PTK2B: variants seen among roughly 807,000 people sequenced by gnomAD.
The protein encoded by PTK2B is protein-tyrosine kinase 2-beta.
PTK2B carries 71 observed loss-of-function variants against 142.9 expected under a neutral mutation model. That is an observed-to-expected ratio of 0.50 (90% CI 0.41 to 0.61). The LOEUF (loss-of-function observed/expected upper bound fraction) is 0.61. Ranked by LOEUF, PTK2B falls within the 20% of genes least tolerant of loss-of-function variation. The probability of loss-of-function intolerance (pLI) is 0.00; values close to 1 mark genes in which losing one functional copy is unlikely to be tolerated. For missense variants in PTK2B, 1,105 were observed against 1,320.4 expected, an observed-to-expected ratio of 0.84 and a Z score of 2.53; for synonymous variants, 519 against 503.4, an observed-to-expected ratio of 1.03 and a Z score of -0.42.
rs1314367948 is a variant in PTK2B at position 27,422,381 on chromosome 8, C to T, written c.549C>T (p.Leu183=). 3 of 1,611,600 alleles carry T rather than the reference C, an allele frequency of 1.9e-6. No homozygotes were observed. The African/African-American group carries it at 4.0e-5, about 22-fold the overall frequency. ...CCCTGCAGCTGGGCTGCCTGGAGCT[C>T]AGGTATGTGGCCCTGAGGCCTCTGC... ...GMALQLGCLE[L]RRFFKDMPHN... Residue 183 remains leucine (L), a splice_region_variant and synonymous_variant, in exon 5 of 31, where the codon CTC becomes CTT. Coordinates refer to ENST00000346049, the MANE Select transcript of PTK2B (RefSeq NM_173176.3).
intron 1 of PTK2B, among the ~76,000 whole-genome samples, chr8:27,312,085 TC>T (rs535191918): frequency 6.4e-4 from 97 of 152,290 alleles, no homozygotes; most frequent in Middle Eastern, 6.8e-3. Flanking sequence ...TAACTAGAGT[TC>T]ATGCTCAATT....
At chr8:27,350,560 G>A (rs530226072) in intron 1 of PTK2B, among the ~76,000 whole-genome samples, 5 of 134,090 alleles carry the variant, frequency 3.7e-5, no homozygotes, top group African/African-American at 1.3e-4. Context: ...TGACTTCAGG[G>A]CAAAGATCAG....
chr8:27,350,249 G>A (rs79978941), intron 1 of PTK2B, among the ~76,000 whole-genome samples: 4,516 of 152,264 alleles, frequency 0.03, 97 homozygotes, highest in Non-Finnish European at 0.033. Flanking sequence ...TTAAAAAGGC[G>A]TAACGTAAGT....
At chr8:27,449,312 C>T (rs1811665775) in intron 24 of PTK2B, among the ~76,000 whole-genome samples, 1 of 152,124 alleles carries the variant, frequency 6.6e-6, no homozygotes, top group Non-Finnish European at 1.5e-5. Flanking sequence ...CAGCAAGAAA[C>T]CTAACTCATG....
chr8:27,331,576 T>G (rs1019949691), intron 1 of PTK2B, among the ~76,000 whole-genome samples: 6 of 152,048 alleles, frequency 3.9e-5, no homozygotes, highest in African/African-American at 1.2e-4. Context: ...AACCTCTACC[T>G]CCTGGGTTCA....
chr8:27,362,617 A>T (rs1586162930), intron 1 of PTK2B, among the ~76,000 whole-genome samples: 1 of 114,628 alleles, frequency 8.7e-6, no homozygotes, highest in South Asian at 3.0e-4. Context: ...TGACCCCAGC[A>T]GTGTTTTCTT....
intron 1 of PTK2B, among the ~76,000 whole-genome samples, chr8:27,358,329 G>A (rs1805502432): frequency 6.6e-6 from 1 of 152,120 alleles, no homozygotes; most frequent in South Asian, 2.1e-4. Flanking sequence ...TTGCATTTCT[G>A]TCCATTTTTG....
At chr8:27,349,880 TC>T (rs1804942876) in intron 1 of PTK2B, among the ~76,000 whole-genome samples, 1 of 152,186 alleles carries the variant, frequency 6.6e-6, no homozygotes, top group Admixed American at 6.5e-5. Flanking sequence ...CAGGACAGAC[TC>T]CTTCATCACA....
intron 25 of PTK2B, 26 bp from the exon 26 acceptor site, chr8:27,451,007 ATTCTTAGTCC>A (rs1282495554): frequency 2.5e-6 from 4 of 1,610,258 alleles, no homozygotes; most frequent in Non-Finnish European, 3.4e-6. Flanking sequence ...CAGCTCCAGA[ATTCTTAGTCC>A]TTCGCTCTTG....
Position 27,379,687 on chromosome 8 carries a change from A to G in PTK2B, c.-37-17861A>G, listed in dbSNP as rs541181648. 1.1e-4 allele frequency among the ~76,000 whole-genome samples: 17 copies of G among 152,264 alleles called. No individual in the cohort carries two copies. In the South Asian group the frequency reaches 2.3e-3, roughly 20 times the overall value. ...GTCTCCTCATTACTTACCTTTTAGC[A>G]CATGCAAGTTAATTTACGAGTGAGT... On this transcript the variant is annotated intron_variant, in intron 1 of 30. Transcript: ENST00000346049.
In PTK2B at chr8:27,445,826, G is replaced by C. The variant is rs780321572; in HGVS notation, c.2247G>C (p.Thr749=). 1 of 1,613,902 alleles carries C rather than the reference G, an allele frequency of 6.2e-7. No individual in the cohort carries two copies. Among genetic ancestry groups the C allele is most frequent in the Admixed American group, 1.7e-5 (1 of 60,008 alleles). ...AGGGTCTGTGTGCCAGCTCTCCTAC[G>C]CTCACCAGCCCTATGGAGTATCCAT... ...VPEGLCASSP[T]LTSPMEYPSP... is the part of the protein sequence containing the mutation. Residue 749 remains threonine (T), a synonymous_variant, in exon 24 of 31, where the codon ACG becomes ACC. Coordinates refer to ENST00000346049, the MANE Select transcript of PTK2B (RefSeq NM_173176.3).
At chr8:27,366,402 A>G (rs758252918) in intron 1 of PTK2B, among the ~76,000 whole-genome samples, 2 of 152,244 alleles carry the variant, frequency 1.3e-5, no homozygotes, top group Non-Finnish European at 2.9e-5. Flanking sequence ...CACCCAGGCG[A>G]CATCCAGCTT....
At chr8:27,433,302 C>G in intron 10 of PTK2B, 133 bp from the exon 11 acceptor site, 1 of 743,224 alleles carries the variant, frequency 1.3e-6, no homozygotes, top group Non-Finnish European at 2.3e-6. Context: ...GGCAGGGCCC[C>G]AGGAGAGGTG....
rs1362973448 is a variant in PTK2B, at chr8:27,397,933, G to A, written c.204+145G>A. On this transcript the variant is annotated intron_variant, in intron 2 of 30. Transcript: ENST00000346049. Reference sequence around the variant, plus strand: ...AGGTGGCATCAGAGAGATGTGCTCAGCCTGCATCACCAGGCCTGCTCTCCA... The same window carrying A: ...AGGTGGCATCAGAGAGATGTGCTCAACCTGCATCACCAGGCCTGCTCTCCA... The A allele has an allele frequency of 6.0e-6, 6 of 1,005,700 alleles. No homozygotes were observed. The Admixed American group carries it at 1.3e-4, about 22-fold the overall frequency. 62.3% of individuals were successfully genotyped at this position (1,005,700 alleles called of 1,614,324 possible). A position where few individuals can be genotyped will look rare whatever the true frequency, so the allele number is the denominator to read the frequency against.
At chr8:27,375,340 G>A (rs977187960) in intron 1 of PTK2B, among the ~76,000 whole-genome samples, 1 of 152,202 alleles carries the variant, frequency 6.6e-6, no homozygotes, top group African/African-American at 2.4e-5. Flanking sequence ...CTGGGATGAG[G>A]AGACCTCAAT....
At chr8:27,350,415 C>T (rs1367747484) in intron 1 of PTK2B, among the ~76,000 whole-genome samples, 10 of 152,126 alleles carry the variant, frequency 6.6e-5, no homozygotes, top group African/African-American at 1.9e-4. Context: ...AATAACAGAG[C>T]ATCTCAGCAG....
chr8:27,329,722 G>T (rs1803628607), intron 1 of PTK2B, among the ~76,000 whole-genome samples: 1 of 152,058 alleles, frequency 6.6e-6, no homozygotes, highest in Non-Finnish European at 1.5e-5. Context: ...AGGGATAGTG[G>T]TGACTCTGCA....
chr8:27,423,394 C>T (rs533721648), intron 5 of PTK2B, among the ~76,000 whole-genome samples: 2 of 152,224 alleles, frequency 1.3e-5, no homozygotes, highest in South Asian at 4.1e-4. Context: ...GCTTGCAAAT[C>T]ATAATCACCT....
intron 2 of PTK2B, among the ~76,000 whole-genome samples, chr8:27,413,300 A>T (rs1809183345): frequency 6.6e-6 from 1 of 152,244 alleles, no homozygotes; most frequent in African/African-American, 2.4e-5. Context: ...GATGTGCTGC[A>T]TGCATCTAAA....
Sources: gnomAD v4.1 joint callset for allele counts (sites outside exome capture counted in the v4.1 genomes callset) on GRCh38, gnomAD v4.1.1 for gene constraint, MANE v1.5 for transcripts, NCBI Gene and HGNC (gene_info 2026-07-23, HGNC 2026-07-21) for gene names.